Variants in PEBP4 observed in about 807,000 individuals in gnomAD.
PEBP4 encodes phosphatidylethanolamine-binding protein 4.
Under a neutral mutation model 23.9 loss-of-function variants are expected in PEBP4, and 22 were observed. That is an observed-to-expected ratio of 0.92 (90% CI 0.66 to 1.31). The LOEUF (loss-of-function observed/expected upper bound fraction) is 1.31, where lower values mean the gene tolerates loss of function less well. PEBP4 is among the 40% of genes most tolerant of loss of function. PEBP4 has a pLI of 0.00. For synonymous variants in PEBP4, 112 were observed against 99.3 expected, an observed-to-expected ratio of 1.13 and a Z score of -0.76; for missense variants, 324 against 281.7, an observed-to-expected ratio of 1.15 and a Z score of -1.07.
Position 22,723,629 on chromosome 8 carries a change from G to A in PEBP4, c.517+1214C>T, listed in dbSNP as rs533510332. Among the ~76,000 whole-genome samples the A allele has an allele frequency of 2.6e-5, 4 of 152,296 alleles. No individual in the cohort carries two copies. In the East Asian group the frequency reaches 7.7e-4, roughly 29 times the overall value. Reference sequence around the variant, plus strand: ...CTGGAGACAGTTTTTCTTGGTCTGGGCAAGATACATAATTTTGTTTCCTTC... The same window carrying A: ...CTGGAGACAGTTTTTCTTGGTCTGGACAAGATACATAATTTTGTTTCCTTC... On this transcript the variant is annotated intron_variant, in intron 6 of 6. Coordinates refer to ENST00000256404, the MANE Select transcript of PEBP4 (RefSeq NM_144962.3).
intron 4 of PEBP4, among the ~76,000 whole-genome samples, chr8:22,728,890 G>A (rs1804678349): frequency 6.6e-6 from 1 of 152,074 alleles, no homozygotes; most frequent in Non-Finnish European, 1.5e-5. Flanking sequence ...GAGCCACTGC[G>A]CCCAGCTGAG....
intron 3 of PEBP4, among the ~76,000 whole-genome samples, chr8:22,826,663 T>G (rs549067979): frequency 6.6e-6 from 1 of 152,326 alleles, no homozygotes; most frequent in Admixed American, 6.5e-5. Context: ...GAACAGCATA[T>G]CTATTGCTTT....
chr8:22,921,193 T>C (rs368769190), intron 2 of PEBP4, among the ~76,000 whole-genome samples: 4 of 152,354 alleles, frequency 2.6e-5, no homozygotes, highest in East Asian at 3.9e-4. Context: ...TTGCTTGCCC[T>C]TCTATTATAA....
intron 4 of PEBP4, among the ~76,000 whole-genome samples, chr8:22,780,927 C>A (rs919545964): frequency 1.3e-5 from 2 of 152,220 alleles, no homozygotes; most frequent in African/African-American, 4.8e-5. Context: ...TAGTGAATCA[C>A]CCCAACAGCC....
At chr8:22,793,300 T>A (rs1242736646) in intron 4 of PEBP4, among the ~76,000 whole-genome samples, 1 of 152,178 alleles carries the variant, frequency 6.6e-6, no homozygotes, top group Non-Finnish European at 1.5e-5. Flanking sequence ...AGAGTTTCAC[T>A]CCGTCACCTA....
chr8:22,779,539 C>G (rs916699973), intron 4 of PEBP4, among the ~76,000 whole-genome samples: 2 of 152,092 alleles, frequency 1.3e-5, no homozygotes, highest in Non-Finnish European at 2.9e-5. Flanking sequence ...TATGGAGAGA[C>G]AGAAAAGCCC....
intron 6 of PEBP4, among the ~76,000 whole-genome samples, chr8:22,714,175 T>C (rs1585232000): frequency 6.6e-6 from 1 of 152,056 alleles, no homozygotes; most frequent in South Asian, 2.1e-4. Context: ...GGTGCCCAGG[T>C]CGGAGGGGTT....
At chr8:22,732,634 TTGTGTGTGTG>T (rs61376190) in intron 4 of PEBP4, among the ~76,000 whole-genome samples, 42 of 148,772 alleles carry the variant, frequency 2.8e-4, no homozygotes, top group African/African-American at 4.5e-4. Flanking sequence ...CTGGCCCCAT[TTGTGTGTGTG>T]TGTGTGTGTG....
intron 2 of PEBP4, among the ~76,000 whole-genome samples, chr8:22,922,845 C>G (rs1039725193): frequency 2.0e-5 from 3 of 152,130 alleles, no homozygotes; most frequent in African/African-American, 7.2e-5. Flanking sequence ...GTTTGGGGAT[C>G]TCCTGATCTC....
chr8:22,814,887 G>A lies in PEBP4; in HGVS notation c.357+2750C>T, dbSNP rs533367865. Among the ~76,000 whole-genome samples, 18 of 152,258 alleles carry A rather than the reference G, an allele frequency of 1.2e-4. No homozygotes were observed. The East Asian group carries it at 1.9e-3, about 16-fold the overall frequency. On this transcript the variant is annotated intron_variant, in intron 4 of 6. Coordinates refer to ENST00000256404, the MANE Select transcript of PEBP4 (RefSeq NM_144962.3). ...AGAAAAAGAACTCTGGGAGTGAACC[G>A]GGGGGTGGTGGAGGGAACCACAGAG... is the stretch of plus-strand genomic sequence containing the variant.
intron 4 of PEBP4, among the ~76,000 whole-genome samples, chr8:22,808,256 CATCT>C (rs1250385224): frequency 2.0e-5 from 3 of 152,152 alleles, no homozygotes; most frequent in South Asian, 4.1e-4. Flanking sequence ...TCCATCCCTC[CATCT>C]ATCTATTCAT....
intron 5 of PEBP4, 41 bp from the exon 6 acceptor site, chr8:22,724,997 A>C (rs747452865): frequency 1.3e-6 from 2 of 1,535,528 alleles, no homozygotes; most frequent in African/African-American, 2.7e-5. Flanking sequence ...TCAACATCCC[A>C]TACTACCGAG....
At chr8:22,799,749 T>C (rs1022838834) in intron 4 of PEBP4, among the ~76,000 whole-genome samples, 7 of 151,240 alleles carry the variant, frequency 4.6e-5, no homozygotes, top group African/African-American at 7.3e-5. Context: ...TTCCCCACCC[T>C]GTGTCCAAGT....
At chr8:22,858,606 A>G (rs1807704842) in intron 3 of PEBP4, among the ~76,000 whole-genome samples, 1 of 152,162 alleles carries the variant, frequency 6.6e-6, no homozygotes, top group South Asian at 2.1e-4. Context: ...GAGATGAAAA[A>G]ACTGAGACTT....
At chr8:22,852,668 C>T (rs1459983745) in intron 3 of PEBP4, among the ~76,000 whole-genome samples, 1 of 151,432 alleles carries the variant, frequency 6.6e-6, no homozygotes, top group East Asian at 1.9e-4. Flanking sequence ...GCAAAGTCCT[C>T]ACTAAAAAGA....
chr8:22,820,330 G>A (rs941415745), intron 3 of PEBP4, among the ~76,000 whole-genome samples: 19 of 152,176 alleles, frequency 1.2e-4, no homozygotes, highest in Non-Finnish European at 1.9e-4. Context: ...CTTTTTAACT[G>A]TTCAAGTACA....
rs752835812 is a variant in PEBP4 at position 22,817,671 on chromosome 8, C to T, written c.323G>A (p.Arg108Lys). The T allele has an allele frequency of 6.2e-7, 1 of 1,614,208 alleles. No individual in the cohort carries two copies. Among genetic ancestry groups the T allele is most frequent in the Admixed American group, 1.7e-5 (1 of 60,022 alleles). Residue 108 changes from arginine (R) to lysine (K), a missense_variant, in exon 4 of 7, where the codon AGA becomes AAA. Coordinates refer to ENST00000256404, the MANE Select transcript of PEBP4 (RefSeq NM_144962.3). ...DAPSRAEPRQ[R>K]FWRHWLVTDI... is the part of the protein sequence containing the mutation. ...TGTTACCAGCCAATGTCTCCAGAAT[C>T]TCTGTCTGGGTTCTGCTCTGCTAGG... is the stretch of plus-strand genomic sequence containing the variant.
At chr8:22,882,795 C>T (rs1390467780) in intron 3 of PEBP4, among the ~76,000 whole-genome samples, 1 of 152,148 alleles carries the variant, frequency 6.6e-6, no homozygotes, top group African/African-American at 2.4e-5. Context: ...CAGATTTTTA[C>T]ACTCCAGGCC....
chr8:22,781,596 G>A (rs551641444), intron 4 of PEBP4, among the ~76,000 whole-genome samples: 6 of 152,228 alleles, frequency 3.9e-5, no homozygotes, highest in Admixed American at 6.5e-5. Context: ...CTGGGCGGGG[G>A]TAGGAGTTCC....
Sources: gnomAD v4.1 joint callset for allele counts (sites outside exome capture counted in the v4.1 genomes callset) on GRCh38, gnomAD v4.1.1 for gene constraint, MANE v1.5 for transcripts, NCBI Gene and HGNC (gene_info 2026-07-23, HGNC 2026-07-21) for gene names.